ZNF66: variants seen among roughly 807,000 people sequenced by gnomAD.
ZNF66 encodes the protein putative zinc finger protein 66.
Under a neutral mutation model 35.2 loss-of-function variants are expected in ZNF66, and 32 were observed. The observed-to-expected ratio is 0.91, with a 90% CI of 0.69 to 1.22. The LOEUF is 1.22. Among genes scored for constraint, ZNF66 ranks in the 50% most tolerant of loss-of-function variants. ZNF66 has a pLI of 0.00. For missense variants in ZNF66, 666 were observed against 543.1 expected (o/e 1.23, Z -2.25); for synonymous variants, 231 against 181.3 (o/e 1.27, Z -2.20).
chr19:20,796,545 C>T (rs1971394324), intron 3 of ZNF66, among the ~76,000 whole-genome samples: 1 of 152,178 alleles, frequency 6.6e-6, no homozygotes, highest in Non-Finnish European at 1.5e-5. Context: ...ATTTGTTTTA[C>T]ATATCAGAGG....
chr19:20,808,245 T>C lies in ZNF66; in HGVS notation c.*923T>C, dbSNP rs1971545743. Reference sequence around the variant, plus strand: ...GAGCCCACCACAGCTCAAGGAGGCCTGCCTGCCTCTGTAGGCTCCACCTCT... The same window carrying C: ...GAGCCCACCACAGCTCAAGGAGGCCCGCCTGCCTCTGTAGGCTCCACCTCT... On this transcript the variant is annotated 3_prime_UTR_variant, in exon 4 of 4. Coordinates refer to ENST00000344519, the MANE Select transcript of ZNF66 (RefSeq NM_001355197.2). Among the ~76,000 whole-genome samples, 1 of 152,248 alleles carries C rather than the reference T, an allele frequency of 6.6e-6. No homozygotes were observed.
At chr19:20,797,449 G>C (rs1480701976) in intron 3 of ZNF66, among the ~76,000 whole-genome samples, 1 of 148,818 alleles carries the variant, frequency 6.7e-6, no homozygotes, top group Admixed American at 6.7e-5. Context: ...CTCGTGATCC[G>C]CCCGCCTCGG....
At chr19:20,785,446 A>G (rs1434235745) in intron 1 of ZNF66, among the ~76,000 whole-genome samples, 1 of 152,222 alleles carries the variant, frequency 6.6e-6, no homozygotes, top group Non-Finnish European at 1.5e-5. Context: ...TGTTCTGAAG[A>G]TGTGGAAAGT....
At chr19:20,784,098 T>A (rs1277583428) in intron 1 of ZNF66, among the ~76,000 whole-genome samples, 2 of 152,154 alleles carry the variant, frequency 1.3e-5, no homozygotes, top group African/African-American at 4.8e-5. Context: ...CCTCAAGTGA[T>A]CTACCCATCT....
chr19:20,788,051 G>T (rs1971303857), intron 1 of ZNF66, among the ~76,000 whole-genome samples: 1 of 152,192 alleles, frequency 6.6e-6, no homozygotes, highest in South Asian at 2.1e-4. Flanking sequence ...CAGTGTAAGA[G>T]AAATGAGTCA....
chr19:20,807,114 C>A lies in ZNF66; in HGVS notation c.1514C>A (p.Ala505Glu), dbSNP rs112087363. 1.3e-6 allele frequency: 1 copy of A among 761,116 alleles called. No individual in the cohort carries two copies. Among genetic ancestry groups the A allele is most frequent in the Non-Finnish European group, 2.4e-6 (1 of 423,512 alleles). The allele number at this position is 761,116 out of a possible 1,614,324, so 47.1% of individuals were successfully genotyped here. The change falls in exon 4 of 4, where the codon GCA (alanine) becomes GAA (glutamate). Residue 505 changes from alanine to glutamate, a missense_variant. Transcript: ENST00000344519. ...ILTTHKRIHT[A>E]DKPYKCEECG... ...ACTACACATAAGAGAATTCATACTG[C>A]AGATAAACCCTACAAATGTGAAGAA...
Position 20,806,182 on chromosome 19 carries a change from T to G in ZNF66, c.582T>G (p.Ile194Met), listed in dbSNP as rs1445046799. 7.6e-7 allele frequency: 1 copy of G among 1,314,974 alleles called. No individual in the cohort carries two copies. The highest frequency in any genetic ancestry group is 2.3e-5 in the East Asian group (1 of 43,508). 81.5% of individuals were successfully genotyped at this position (1,314,974 alleles called of 1,614,324 possible). Reference sequence around the variant, plus strand: ...CAACCTTTACTACACATAAGAAAATTCATACTGGAGAGAAACCCTATAAAT... The same window carrying G: ...CAACCTTTACTACACATAAGAAAATGCATACTGGAGAGAAACCCTATAAAT... ...RSSTFTTHKK[I>M]HTGEKPYKCI... The change falls in exon 4 of 4, where the codon ATT (isoleucine) becomes ATG (methionine). Residue 194 changes from isoleucine to methionine, a missense_variant. Coordinates refer to ENST00000344519, the MANE Select transcript of ZNF66 (RefSeq NM_001355197.2).
In ZNF66 at chr19:20,806,097, G is replaced by A. The variant is rs780243348; in HGVS notation, c.497G>A (p.Arg166Lys). 1.1e-5 allele frequency: 10 copies of A among 901,830 alleles called. No homozygotes were observed. The Admixed American group carries it at 1.8e-4, about 17-fold the overall frequency. The allele number at this position is 901,830 out of a possible 1,614,324, so 55.9% of individuals were successfully genotyped here. Residue 166 changes from arginine to lysine, a missense_variant, in exon 4 of 4, where the codon AGA (arginine) becomes AAA (lysine). Arg to Lys is a conservative substitution (Grantham distance 26, BLOSUM62 2). Coordinates refer to ENST00000344519, the MANE Select transcript of ZNF66 (RefSeq NM_001355197.2). ...TCAAATACAAACAGACATAAGATAAGACATACTGGAAAAAACCCTTGCAAA... is the reference window on the plus strand; with the variant it reads ...TCAAATACAAACAGACATAAGATAAAACATACTGGAAAAAACCCTTGCAAA... ...QFSNTNRHKI[R>K]HTGKNPCKFT... is the part of the protein sequence containing the mutation.
chr19:20,790,719 A>G (rs931828046), intron 1 of ZNF66, among the ~76,000 whole-genome samples: 5 of 150,822 alleles, frequency 3.3e-5, no homozygotes, highest in Non-Finnish European at 4.4e-5. Flanking sequence ...TCTTCATCTG[A>G]GAAGGAATTC....
Position 20,806,083 on chromosome 19 carries a change from C to G in ZNF66, c.483C>G (p.Asn161Lys), listed in dbSNP as rs1261642885. Residue 161 changes from asparagine to lysine, a missense_variant, in exon 4 of 4, where the codon AAC (asparagine) becomes AAG (lysine). Asn to Lys is a moderately conservative substitution (Grantham distance 94, BLOSUM62 0). Transcript: ENST00000344519. ...GKVFHQFSNTNRHKIRHTGKN... is the reference protein window; with the variant it reads ...GKVFHQFSNTKRHKIRHTGKN... ...TCTTTCATCAATTTTCAAATACAAA[C>G]AGACATAAGATAAGACATACTGGAA... is the stretch of plus-strand genomic sequence containing the variant. 9.2e-6 allele frequency: 8 copies of G among 871,500 alleles called. No individual in the cohort carries two copies. Among genetic ancestry groups the G allele is most frequent in the Non-Finnish European group, 1.5e-5 (8 of 522,490 alleles). 54.0% of individuals were successfully genotyped at this position (871,500 alleles called of 1,614,324 possible). A position where few individuals can be genotyped will look rare whatever the true frequency, so the allele number is the denominator to read the frequency against.
At chr19:20,781,026 C>T (rs1971240976) in intron 1 of ZNF66, among the ~76,000 whole-genome samples, 1 of 152,170 alleles carries the variant, frequency 6.6e-6, no homozygotes, top group Non-Finnish European at 1.5e-5. Flanking sequence ...CTGCAAGTCT[C>T]CTGGCATATC....
chr19:20,786,725 A>G (rs1971290556), intron 1 of ZNF66, among the ~76,000 whole-genome samples: 1 of 152,228 alleles, frequency 6.6e-6, no homozygotes, highest in Non-Finnish European at 1.5e-5. Flanking sequence ...ACAAGTAGCT[A>G]TAAATGACAC....
chr19:20,781,409 A>T (rs752665448), intron 1 of ZNF66, among the ~76,000 whole-genome samples: 2 of 151,928 alleles, frequency 1.3e-5, no homozygotes. Context: ...ACTAGGCCTC[A>T]GTGTCTGTTG....
Position 20,806,428 on chromosome 19 carries a change from G to C in ZNF66, c.828G>C (p.Lys276Asn). Residue 276 changes from lysine (K) to asparagine (N), a missense_variant, in exon 4 of 4, where the codon AAG becomes AAC. By Grantham distance (94) the Lys-to-Asn change is moderately conservative. Transcript: ENST00000344519. ...FKRSSILTTH[K>N]RIHTGEKPYK... ...GCTCCTCTATCCTTACTACACATAAGAGAATTCATACTGGAGAGAAACCCT... is the reference window on the plus strand; with the variant it reads ...GCTCCTCTATCCTTACTACACATAACAGAATTCATACTGGAGAGAAACCCT... The C allele has an allele frequency of 6.4e-7, 1 of 1,555,188 alleles. No homozygotes were observed. The highest frequency in any genetic ancestry group is 8.9e-7 in the Non-Finnish European group (1 of 1,127,712).
chr19:20,792,590 T>G lies in ZNF66; in HGVS notation c.82T>G (p.Leu28Val). The change falls in exon 2 of 4, where the codon TTA becomes GTA. Residue 28 changes from leucine to valine, a missense_variant. Physicochemically the swap from Leu to Val is conservative, Grantham distance 32 (BLOSUM62 1). Coordinates refer to ENST00000344519, the MANE Select transcript of ZNF66 (RefSeq NM_001355197.2). The stretch of plus-strand genomic sequence containing the variant: ...TTGCCTGGACATGGCACAGCGGAAT[T>G]TATATAGGGATGTGATGTTAGAGAA... ...WHCLDMAQRN[L>V]YRDVMLENYR... 1 of 1,500,360 alleles carries G rather than the reference T, an allele frequency of 6.7e-7. No individual in the cohort carries two copies. The highest frequency in any genetic ancestry group is 1.4e-5 in the African/African-American group (1 of 72,264). The allele number at this position is 1,500,360 out of a possible 1,614,324, so 92.9% of individuals were successfully genotyped here. A position where few individuals can be genotyped will look rare whatever the true frequency, so the allele number is the denominator to read the frequency against.
In ZNF66 at chr19:20,808,345, G is replaced by A. The variant is rs1164952396; in HGVS notation, c.*1023G>A. On this transcript the variant is annotated 3_prime_UTR_variant, in exon 4 of 4. Transcript: ENST00000344519. The stretch of plus-strand genomic sequence containing the variant: ...CGTCCCTGTCTGACAGCTTTGAAGA[G>A]AGTAGTGGTTCTCCCAGCACGCAGC... Among the ~76,000 whole-genome samples, 1 of 152,236 alleles carries A rather than the reference G, an allele frequency of 6.6e-6. No individual in the cohort carries two copies. Among genetic ancestry groups the A allele is most frequent in the African/African-American group, 2.4e-5 (1 of 41,468 alleles).
intron 1 of ZNF66, among the ~76,000 whole-genome samples, chr19:20,786,312 A>G (rs573241925): frequency 4.6e-5 from 7 of 152,280 alleles, no homozygotes; most frequent in African/African-American, 1.4e-4. Flanking sequence ...AAATTTCTAC[A>G]AACTTCACGG....
At chr19:20,790,088 GA>G (rs1201856875) in intron 1 of ZNF66, among the ~76,000 whole-genome samples, 1 of 152,154 alleles carries the variant, frequency 6.6e-6, no homozygotes, top group Non-Finnish European at 1.5e-5. Context: ...CCCATGCATA[GA>G]CCCTTTTCAA....
Position 20,806,529 on chromosome 19 carries a change from A to G in ZNF66, c.929A>G (p.Glu310Gly). ...ACACATAAGATAATTCATACTGGAG[A>G]GAAACCCTACAAATGTGAAGAATGT... ...LSTHKIIHTG[E>G]KPYKCEECGK... The change falls in exon 4 of 4, where the codon GAG becomes GGG. Residue 310 changes from glutamate to glycine, a missense_variant. Physicochemically the swap from Glu to Gly is moderately conservative, Grantham distance 98. Transcript: ENST00000344519. 6.5e-7 allele frequency: 1 copy of G among 1,536,570 alleles called. No homozygotes were observed. The highest frequency in any genetic ancestry group is 9.0e-7 in the Non-Finnish European group (1 of 1,110,706).
Sources: allele counts gnomAD v4.1 joint callset (sites outside exome capture counted in the v4.1 genomes callset), GRCh38; gene constraint gnomAD v4.1.1; transcripts MANE v1.5; gene names NCBI Gene and HGNC (gene_info 2026-07-23, HGNC 2026-07-21).